The following MCUB variants were observed in gnomAD, a reference collection of about 807,000 sequenced individuals.
MCUB encodes the protein calcium uniporter regulatory subunit MCUb, mitochondrial.
Under a neutral mutation model 41.4 loss-of-function variants are expected in MCUB, and 46 were observed. That is an observed-to-expected ratio of 1.11 (90% CI 0.88 to 1.42). MCUB has a LOEUF of 1.42. Among genes scored for constraint, MCUB ranks in the 40% most tolerant of loss-of-function variants. MCUB has a pLI of 0.00. For missense variants in MCUB, 403 were observed against 404.9 expected, an observed-to-expected ratio of 1.00 and a Z score of 0.04; for synonymous variants, 148 against 148.2, an observed-to-expected ratio of 1.00 and a Z score of 0.01.
intron 1 of MCUB, among the ~76,000 whole-genome samples, chr4:109,611,732 T>C (rs1163084982): frequency 6.6e-6 from 1 of 152,144 alleles, no homozygotes; most frequent in African/African-American, 2.4e-5. Context: ...TTTTCTTTTC[T>C]CTCTGTTAAA....
chr4:109,652,175 C>A (rs1187258091), intron 1 of MCUB, among the ~76,000 whole-genome samples: 1 of 152,202 alleles, frequency 6.6e-6, no homozygotes, highest in African/African-American at 2.4e-5. Flanking sequence ...AGGGCCTATA[C>A]TAATGACCTC....
At chr4:109,673,197 A>T (rs970748002) in intron 4 of MCUB, among the ~76,000 whole-genome samples, 4 of 152,176 alleles carry the variant, frequency 2.6e-5, no homozygotes, top group Admixed American at 6.5e-5. Flanking sequence ...GTGAGTTCCT[A>T]ACACCCTGGA....
chr4:109,678,007 G>A (rs1729612217), intron 4 of MCUB, among the ~76,000 whole-genome samples: 1 of 151,782 alleles, frequency 6.6e-6, no homozygotes, highest in Admixed American at 6.6e-5. Context: ...AGATTAGGGA[G>A]TGGTGATGAC....
At chr4:109,638,616 TG>T (rs1238010445) in intron 1 of MCUB, among the ~76,000 whole-genome samples, 1 of 152,122 alleles carries the variant, frequency 6.6e-6, no homozygotes, top group Non-Finnish European at 1.5e-5. Context: ...CCATGAAGTT[TG>T]CTGCATCCAC....
intron 1 of MCUB, among the ~76,000 whole-genome samples, chr4:109,591,038 C>A (rs1727425018): frequency 6.6e-6 from 1 of 152,150 alleles, no homozygotes; most frequent in Non-Finnish European, 1.5e-5. Flanking sequence ...CCTCTCAATA[C>A]ATTGAAACTC....
At chr4:109,669,419 C>A (rs929244284) in intron 4 of MCUB, among the ~76,000 whole-genome samples, 1 of 151,942 alleles carries the variant, frequency 6.6e-6, no homozygotes, top group Non-Finnish European at 1.5e-5. Flanking sequence ...AAGGGTTCCC[C>A]CCTTCCCTGG....
chr4:109,648,327 A>G (rs1728882255), intron 1 of MCUB, among the ~76,000 whole-genome samples: 1 of 152,202 alleles, frequency 6.6e-6, no homozygotes, highest in African/African-American at 2.4e-5. Context: ...TGGTTCTCAG[A>G]AGGGATGTAA....
chr4:109,660,521 TA>T (rs1193422427), intron 3 of MCUB, among the ~76,000 whole-genome samples, 156 bp downstream of exon 3: 2 of 152,150 alleles, frequency 1.3e-5, no homozygotes, highest in Non-Finnish European at 2.9e-5. Flanking sequence ...AACACTATTT[TA>T]AAAACTGTTT....
At chr4:109,586,781 A>T (rs1561217815) in intron 1 of MCUB, among the ~76,000 whole-genome samples, 1 of 152,204 alleles carries the variant, frequency 6.6e-6, no homozygotes, top group Non-Finnish European at 1.5e-5. Context: ...TATCACTAGC[A>T]GAGGCTGCAG....
At position 109,560,383 on chromosome 4, in the gene MCUB, AC is replaced by A; in HGVS notation, c.50del (p.Pro17LeufsTer21). 1 of 1,324,952 alleles carries A rather than the reference AC, an allele frequency of 7.5e-7. No homozygotes were observed. The highest frequency in any genetic ancestry group is 2.1e-5 in the South Asian group (1 of 48,256). The allele number at this position is 1,324,952 out of a possible 1,614,324, so 82.1% of individuals were successfully genotyped here. ...LWPWRTRLLP[T>X]PGTWRPARPW... ...GCCGTGGCGCACGCGGCTGCTGCCG[AC>A]CCCTGGCACCTGGCGCCCAGCGCGC... is the stretch of plus-strand genomic sequence containing the variant. On this transcript the variant is annotated frameshift_variant, in exon 1 of 8. Coordinates refer to ENST00000394650, the MANE Select transcript of MCUB (RefSeq NM_017918.5). LOFTEE classifies it high-confidence loss of function.
rs1332809608 is a variant in MCUB at position 109,687,597 on chromosome 4, A to G, written c.*5A>G. The G allele has an allele frequency of 6.3e-7, 1 of 1,587,938 alleles. No individual in the cohort carries two copies. The highest frequency in any genetic ancestry group is 8.6e-7 in the Non-Finnish European group (1 of 1,157,654). ...GAACTCAATGAAAAGAATTAATCTT[A>G]CAGTTTTAAATGTCGTCAGATTTTC... On this transcript the variant is annotated 3_prime_UTR_variant, in exon 8 of 8. Transcript: ENST00000394650.
At chr4:109,668,698 GT>G (rs749313225) in intron 4 of MCUB, among the ~76,000 whole-genome samples, 133 of 141,388 alleles carry the variant, frequency 9.4e-4, no homozygotes, top group African/African-American at 1.3e-3. Context: ...TGTTGCCACT[GT>G]TTTTTTTTTT....
At chr4:109,600,530 C>T (rs1727706235) in intron 1 of MCUB, among the ~76,000 whole-genome samples, 1 of 152,212 alleles carries the variant, frequency 6.6e-6, no homozygotes, top group Admixed American at 6.5e-5. Flanking sequence ...ATCAGTCCAA[C>T]ACAGTCACCC....
chr4:109,672,077 A>AAT (rs980567083), intron 4 of MCUB, among the ~76,000 whole-genome samples: 7 of 151,608 alleles, frequency 4.6e-5, no homozygotes, highest in African/African-American at 9.7e-5. Context: ...CTTATTATTA[A>AAT]ATATATATAT....
At chr4:109,645,067 G>C (rs1353167290) in intron 1 of MCUB, among the ~76,000 whole-genome samples, 1 of 151,920 alleles carries the variant, frequency 6.6e-6, no homozygotes, top group African/African-American at 2.4e-5. Flanking sequence ...GTCTTCACTG[G>C]GATAGTCCCC....
chr4:109,673,821 G>A, intron 4 of MCUB: 1 of 719,126 alleles, frequency 1.4e-6, no homozygotes, highest in Non-Finnish European at 2.5e-6. Flanking sequence ...TTCGCTCTAG[G>A]GAGATTCTTC....
At chr4:109,580,276 T>C (rs1391797182) in intron 1 of MCUB, among the ~76,000 whole-genome samples, 1 of 152,214 alleles carries the variant, frequency 6.6e-6, no homozygotes, top group African/African-American at 2.4e-5. Flanking sequence ...ATCCAGTCTA[T>C]CATTGATGGA....
At chr4:109,636,239 A>T (rs1728586316) in intron 1 of MCUB, among the ~76,000 whole-genome samples, 1 of 152,174 alleles carries the variant, frequency 6.6e-6, no homozygotes, top group Non-Finnish European at 1.5e-5. Flanking sequence ...AACATCGGAG[A>T]TTGTATGAAC....
Position 109,560,352 on chromosome 4 carries a change from C to A in MCUB, c.15C>A (p.Gly5=). MLQR[G]LWPWRTRLLP... is the part of the protein sequence containing the mutation. Reference sequence around the variant, plus strand: ...GGGGCGGGAGGATGCTCCAGAGGGGCCTCTGGCCGTGGCGCACGCGGCTGC... The same window carrying A: ...GGGGCGGGAGGATGCTCCAGAGGGGACTCTGGCCGTGGCGCACGCGGCTGC... Residue 5 remains glycine (G), a synonymous_variant, in exon 1 of 8, where the codon GGC becomes GGA. Coordinates refer to ENST00000394650, the MANE Select transcript of MCUB (RefSeq NM_017918.5). 5.3e-6 allele frequency: 7 copies of A among 1,313,088 alleles called. No homozygotes were observed. The highest frequency in any genetic ancestry group is 6.8e-6 in the Non-Finnish European group (7 of 1,031,646). 81.3% of individuals were successfully genotyped at this position (1,313,088 alleles called of 1,614,324 possible). A position where few individuals can be genotyped will look rare whatever the true frequency, so the allele number is the denominator to read the frequency against.
Sources: gnomAD v4.1 joint callset for allele counts (sites outside exome capture counted in the v4.1 genomes callset) on GRCh38, gnomAD v4.1.1 for gene constraint, MANE v1.5 for transcripts, NCBI Gene and HGNC (gene_info 2026-07-23, HGNC 2026-07-21) for gene names.